The following ATXN1 variants were observed in gnomAD, a reference collection of about 807,000 sequenced individuals.
ATXN1 encodes ataxin-1.
A neutral mutation model predicts 56.4 loss-of-function variants in ATXN1; 8 were observed. That is an observed-to-expected ratio of 0.14 (90% confidence interval 0.08 to 0.26). The LOEUF (loss-of-function observed/expected upper bound fraction) is 0.26, where lower values mean the gene tolerates loss of function less well. Among genes scored for constraint, ATXN1 ranks in the 10% least tolerant of loss-of-function variants. The pLI, the probability that ATXN1 is intolerant of heterozygous loss-of-function variation, is 1.00. For missense variants in ATXN1, 987 were observed against 1,106.5 expected, an observed-to-expected ratio of 0.89 and a Z score of 1.53; for synonymous variants, 514 against 494.6, an observed-to-expected ratio of 1.04 and a Z score of -0.52.
At chr6:16,324,623 C>T (rs559016765) in intron 7 of ATXN1, among the ~76,000 whole-genome samples, 1 of 152,292 alleles carries the variant, frequency 6.6e-6, no homozygotes, top group African/African-American at 2.4e-5. Flanking sequence ...GATGGAAACA[C>T]TTGTAGAAAG....
intron 5 of ATXN1, among the ~76,000 whole-genome samples, chr6:16,494,573 T>C (rs570472486): frequency 1.8e-4 from 28 of 152,232 alleles, no homozygotes; most frequent in Non-Finnish European, 3.5e-4. Context: ...GATTTATTCA[T>C]ACAGAGACTG....
intron 2 of ATXN1, among the ~76,000 whole-genome samples, chr6:16,661,512 G>A (rs1758319638): frequency 6.6e-6 from 1 of 152,304 alleles, no homozygotes; most frequent in African/African-American, 2.4e-5. Context: ...ACAAGTTACT[G>A]TTATAAGCAG....
At chr6:16,740,695 AT>A (rs1760310341) in intron 2 of ATXN1, among the ~76,000 whole-genome samples, 1 of 152,064 alleles carries the variant, frequency 6.6e-6, no homozygotes, top group African/African-American at 2.4e-5. Flanking sequence ...ATAATTTTTT[AT>A]TTATTTATTT....
At chr6:16,622,212 TA>T (rs1358334619) in intron 3 of ATXN1, among the ~76,000 whole-genome samples, 4 of 152,132 alleles carry the variant, frequency 2.6e-5, no homozygotes, top group Admixed American at 2.0e-4. Context: ...AAGGAAAAAT[TA>T]AACCGGTGAA....
At chr6:16,518,964 C>A (rs1761236946) in intron 5 of ATXN1, among the ~76,000 whole-genome samples, 1 of 152,120 alleles carries the variant, frequency 6.6e-6, no homozygotes. Flanking sequence ...ATTAAAAAAA[C>A]CACATTAGGA....
chr6:16,743,589 G>C (rs1371588488), intron 2 of ATXN1, among the ~76,000 whole-genome samples: 6 of 152,210 alleles, frequency 3.9e-5, no homozygotes, highest in African/African-American at 1.4e-4. Context: ...CTGGAAAGAG[G>C]GCAGTCCCTC....
At chr6:16,362,089 T>C (rs1247115878) in intron 6 of ATXN1, among the ~76,000 whole-genome samples, 1 of 152,202 alleles carries the variant, frequency 6.6e-6, no homozygotes, top group Non-Finnish European at 1.5e-5. Flanking sequence ...GTCATAACTG[T>C]AGACATTCCG....
At chr6:16,318,713 G>T (rs753358549) in intron 7 of ATXN1, among the ~76,000 whole-genome samples, 2 of 152,166 alleles carry the variant, frequency 1.3e-5, no homozygotes, top group African/African-American at 4.8e-5. Flanking sequence ...GCACCGGGAC[G>T]CCTCCTAACA....
intron 1 of ATXN1, among the ~76,000 whole-genome samples, chr6:16,757,643 T>C (rs1398215972): frequency 6.6e-6 from 1 of 152,160 alleles, no homozygotes; most frequent in Non-Finnish European, 1.5e-5. Flanking sequence ...GGAAAAAATT[T>C]ACCAGTTTAG....
chr6:16,715,288 G>C (rs974506987), intron 2 of ATXN1, among the ~76,000 whole-genome samples: 1 of 152,124 alleles, frequency 6.6e-6, no homozygotes, highest in East Asian at 1.9e-4. Context: ...AAGAGACAGA[G>C]GCTATTATTT....
At chr6:16,624,323 C>T (rs1763369886) in intron 3 of ATXN1, among the ~76,000 whole-genome samples, 1 of 149,006 alleles carries the variant, frequency 6.7e-6, no homozygotes, top group South Asian at 2.1e-4. Context: ...CACACTCCAG[C>T]CTGGGGGATG....
intron 4 of ATXN1, among the ~76,000 whole-genome samples, chr6:16,571,700 A>G (rs1052212551): frequency 6.6e-6 from 1 of 152,006 alleles, no homozygotes; most frequent in African/African-American, 2.4e-5. Context: ...TTGTTCTGTC[A>G]CCCAGGCTGG....
chr6:16,490,420 C>T (rs1167142456), intron 5 of ATXN1, among the ~76,000 whole-genome samples: 1 of 152,212 alleles, frequency 6.6e-6, no homozygotes, highest in Non-Finnish European at 1.5e-5. Context: ...CTTCTGTTTA[C>T]CAACAAACAG....
rs1365078242 is a variant in ATXN1 at position 16,429,493 on chromosome 6, C to T, written c.-161+56479G>A. ...AGTGCAGTGGTACGATCTCAGCTGA[C>T]TGCAACCTCCGCCTCCCAGGTTCAA... is the stretch of plus-strand genomic sequence containing the variant. On this transcript the variant is annotated intron_variant, in intron 6 of 7. Transcript: ENST00000436367. Among the ~76,000 whole-genome samples, 3 of 142,830 alleles carry T rather than the reference C, an allele frequency of 2.1e-5. No individual in the cohort carries two copies. The East Asian group carries it at 6.4e-4, about 31-fold the overall frequency. 93.7% of individuals were successfully genotyped at this position (142,830 alleles called of 152,430 possible).
chr6:16,714,176 ACAC>A lies in ATXN1; in HGVS notation c.-615+39054_-615+39056del, dbSNP rs1270493395. ...GAAAAAAAGAAAGAAAAAAAAAACC[ACAC>A]ACCACACACACACACACACACACAC... On this transcript the variant is annotated intron_variant, in intron 2 of 7. Coordinates refer to ENST00000436367, the MANE Select transcript of ATXN1 (RefSeq NM_001128164.2). Among the ~76,000 whole-genome samples the A allele has an allele frequency of 4.7e-3, 101 of 21,534 alleles. 1 individual carries two copies. The East Asian group carries it at 0.14, about 30-fold the overall frequency. The allele number at this position is 21,534 out of a possible 152,430, so 14.1% of individuals were successfully genotyped here.
chr6:16,699,687 AAAG>A (rs1156761356), intron 2 of ATXN1, among the ~76,000 whole-genome samples: 1 of 152,214 alleles, frequency 6.6e-6, no homozygotes, highest in East Asian at 1.9e-4. Context: ...ATAAGAAGAA[AAAG>A]AAGCACTTGT....
At chr6:16,589,767 G>GT (rs1762690060) in intron 3 of ATXN1, among the ~76,000 whole-genome samples, 1 of 152,146 alleles carries the variant, frequency 6.6e-6, no homozygotes, top group Non-Finnish European at 1.5e-5. Context: ...TGGGTAAAAT[G>GT]TAACAGTTTT....
intron 4 of ATXN1, among the ~76,000 whole-genome samples, chr6:16,564,244 C>T (rs1762173052): frequency 6.6e-6 from 1 of 151,984 alleles, no homozygotes; most frequent in African/African-American, 2.4e-5. Context: ...CAAGAAAAAT[C>T]ATTTTTGGGA....
chr6:16,509,020 T>A (rs1761031211), intron 5 of ATXN1, among the ~76,000 whole-genome samples: 1 of 152,216 alleles, frequency 6.6e-6, no homozygotes, highest in East Asian at 1.9e-4. Flanking sequence ...GGACAAACCC[T>A]GTGTGATTCT....
Sources: allele counts gnomAD v4.1 joint callset (sites outside exome capture counted in the v4.1 genomes callset), GRCh38; gene constraint gnomAD v4.1.1; transcripts MANE v1.5; gene names NCBI Gene and HGNC (gene_info 2026-07-23, HGNC 2026-07-21).